The following CACHD1 variants were observed in gnomAD, a reference collection of about 807,000 sequenced individuals.
CACHD1 encodes cache domain containing 1.
Under a neutral mutation model 138.7 loss-of-function variants are expected in CACHD1, and 71 were observed. The observed-to-expected ratio is 0.51, with a 90% CI of 0.42 to 0.62. The LOEUF is 0.62. Among genes scored for constraint, CACHD1 ranks in the 20% least tolerant of loss-of-function variants. CACHD1 has a pLI of 0.00. For synonymous variants in CACHD1, 578 were observed against 591.5 expected, an observed-to-expected ratio of 0.98 and a Z score of 0.33; for missense variants, 1,389 against 1,625.3, an observed-to-expected ratio of 0.85 and a Z score of 2.50.
At chr1:64,688,928 C>T (rs751494610) in intron 26 of CACHD1, among the ~76,000 whole-genome samples, 2 of 152,170 alleles carry the variant, frequency 1.3e-5, no homozygotes, top group Non-Finnish European at 2.9e-5. Context: ...CAATTGTCAC[C>T]TCAAGGATCT....
At chr1:64,618,612 A>ACAATACTC (rs1295021228) in intron 4 of CACHD1, among the ~76,000 whole-genome samples, 4 of 152,306 alleles carry the variant, frequency 2.6e-5, no homozygotes, top group Admixed American at 2.0e-4. Flanking sequence ...ATATGGCAAA[A>ACAATACTC]CAATACTCAA....
intron 7 of CACHD1, among the ~76,000 whole-genome samples, chr1:64,640,957 A>C (rs1052205958): frequency 2.6e-5 from 4 of 151,870 alleles, no homozygotes; most frequent in African/African-American, 9.7e-5. Flanking sequence ...CAGTTATTCT[A>C]CCTCGCAGCC....
At chr1:64,498,637 G>GA (rs1646320272) in intron 1 of CACHD1, among the ~76,000 whole-genome samples, 1 of 152,144 alleles carries the variant, frequency 6.6e-6, no homozygotes, top group Admixed American at 6.5e-5. Flanking sequence ...TTTGAAATGT[G>GA]AAAAAAGATT....
chr1:64,599,402 G>A (rs1647192425), intron 3 of CACHD1, among the ~76,000 whole-genome samples: 3 of 152,094 alleles, frequency 2.0e-5, no homozygotes, highest in African/African-American at 7.2e-5. Flanking sequence ...ACTCATCATG[G>A]GCCAGTACTA....
intron 1 of CACHD1, among the ~76,000 whole-genome samples, chr1:64,524,088 A>G (rs901846477): frequency 6.6e-6 from 1 of 152,166 alleles, no homozygotes. Context: ...TTCTACTAGT[A>G]ATGAAACGTG....
At chr1:64,681,544 T>TTTTTTTGG (rs751369042) in intron 25 of CACHD1, among the ~76,000 whole-genome samples, 11 of 110,594 alleles carry the variant, frequency 9.9e-5, no homozygotes, top group Admixed American at 3.4e-4. Context: ...TTATTGTGTT[T>TTTTTTTGG]TTTTTTTTTT....
chr1:64,653,537 T>G (rs779265606), intron 10 of CACHD1, among the ~76,000 whole-genome samples: 2 of 152,166 alleles, frequency 1.3e-5, no homozygotes, highest in Non-Finnish European at 2.9e-5. Flanking sequence ...AAAATACTCT[T>G]GATGAGACAG....
In CACHD1 at chr1:64,470,510, G is replaced by C. The variant is rs1174344353; in HGVS notation, c.-235G>C. On this transcript the variant is annotated 5_prime_UTR_variant, in exon 1 of 27. Transcript: ENST00000651257. The surrounding 1 kb of genome is among the most constrained non-coding windows in gnomAD (Gnocchi z 5.2). ...GGGCGCCGGGCTCCGGGGACCGCTC[G>C]GGCGGCCGCCTCCTACCCCCACCGC... Among the ~76,000 whole-genome samples the C allele has an allele frequency of 4.6e-5, 7 of 151,362 alleles. 1 individual carries two copies. The East Asian group carries it at 5.9e-4, about 13-fold the overall frequency.
rs116773691 is a variant in CACHD1, at chr1:64,680,867, G to A, written c.3407-391G>A. Among the ~76,000 whole-genome samples, 439 of 152,330 alleles carry A rather than the reference G, an allele frequency of 2.9e-3. 2 individuals carry two copies. Among genetic ancestry groups the A allele is most frequent in the African/African-American group, 0.01 (418 of 41,572 alleles). ...GGTGAGATTCAGCTAGACTGAGGAT[G>A]ACCGTCATCCAGTGTTAGCTTATGC... On this transcript the variant is annotated intron_variant, in intron 24 of 26. Coordinates refer to ENST00000651257, the MANE Select transcript of CACHD1 (RefSeq NM_020925.4).
chr1:64,674,502 C>A (rs1472100396), intron 19 of CACHD1, among the ~76,000 whole-genome samples: 1 of 152,144 alleles, frequency 6.6e-6, no homozygotes, highest in Non-Finnish European at 1.5e-5. Flanking sequence ...CCCAAGTTAT[C>A]CCCAAATGGA....
At chr1:64,540,690 G>A (rs951726331) in intron 1 of CACHD1, among the ~76,000 whole-genome samples, 1 of 152,180 alleles carries the variant, frequency 6.6e-6, no homozygotes, top group Non-Finnish European at 1.5e-5. Flanking sequence ...GAAATCAAGT[G>A]ATCAAGACTA....
intron 26 of CACHD1, 144 bp from the exon 27 acceptor site, chr1:64,691,179 T>C (rs17126889): frequency 0.094 from 65,235 of 690,766 alleles, 3,382 homozygotes; most frequent in South Asian, 0.14. Flanking sequence ...TAAATTACTT[T>C]AGCATCTGCT....
chr1:64,543,552 G>T (rs1347561296), intron 1 of CACHD1, among the ~76,000 whole-genome samples: 1 of 151,468 alleles, frequency 6.6e-6, no homozygotes, highest in Admixed American at 6.6e-5. Flanking sequence ...CTCCAGCCTG[G>T]GTAGCACAGT....
chr1:64,662,595 A>C (rs1304095736), intron 13 of CACHD1, among the ~76,000 whole-genome samples: 3 of 152,242 alleles, frequency 2.0e-5, no homozygotes, highest in African/African-American at 7.2e-5. Context: ...AAGGAGTAGA[A>C]GATGCCCTAT....
intron 19 of CACHD1, among the ~76,000 whole-genome samples, chr1:64,673,883 G>A (rs1649898843): frequency 6.6e-6 from 1 of 152,158 alleles, no homozygotes; most frequent in South Asian, 2.1e-4. Context: ...TGCTCTATGA[G>A]ATGGGAACTC....
At chr1:64,570,718 G>T (rs1646920329) in intron 2 of CACHD1, among the ~76,000 whole-genome samples, 1 of 152,132 alleles carries the variant, frequency 6.6e-6, no homozygotes, top group African/African-American at 2.4e-5. Flanking sequence ...TAATAAAATT[G>T]TTGCGGTTCA....
At chr1:64,617,873 G>C (rs1647767795) in intron 4 of CACHD1, among the ~76,000 whole-genome samples, 2 of 152,170 alleles carry the variant, frequency 1.3e-5, no homozygotes, top group South Asian at 4.1e-4. Context: ...GAGATCAGAA[G>C]TTCAAGACCA....
chr1:64,582,257 C>G lies in CACHD1; in HGVS notation c.363C>G (p.Pro121=), dbSNP rs754990363. 6.2e-7 allele frequency: 1 copy of G among 1,613,972 alleles called. No individual in the cohort carries two copies. Among genetic ancestry groups the G allele is most frequent in the South Asian group, 1.1e-5 (1 of 91,068 alleles). The part of the protein sequence containing the change: ...EASYTAHLTS[P]LTAIQDCCTI... ...CCTATACGGCTCACCTAACCTCTCC[C>G]CTAACTGCAATTCAAGACTGCTGTA... The change falls in exon 3 of 27, where the codon CCC becomes CCG. Residue 121 remains proline, a synonymous_variant. Transcript: ENST00000651257.
intron 2 of CACHD1, among the ~76,000 whole-genome samples, chr1:64,557,063 G>A (rs1224972099): frequency 6.6e-6 from 1 of 151,364 alleles, no homozygotes; most frequent in Non-Finnish European, 1.5e-5. Flanking sequence ...GGAGCTTGCA[G>A]TGAGCTGAGA....
Sources: gnomAD v4.1 joint callset for allele counts (sites outside exome capture counted in the v4.1 genomes callset) on GRCh38, gnomAD v4.1.1 for gene constraint, Gnocchi (gnomAD v3.1) non-coding constraint, MANE v1.5 for transcripts, NCBI Gene and HGNC (gene_info 2026-07-23, HGNC 2026-07-21) for gene names.